The following TRPC5 variants were observed in gnomAD, a reference collection of about 807,000 sequenced individuals.
TRPC5 encodes short transient receptor potential channel 5.
Under a neutral mutation model 56.5 loss-of-function variants are expected in TRPC5, and 9 were observed. That is an observed-to-expected ratio of 0.16 (90% confidence interval 0.10 to 0.28). TRPC5 has a LOEUF of 0.28. TRPC5 is among the 10% of genes least tolerant of loss of function. The pLI, the probability that TRPC5 is intolerant of heterozygous loss-of-function variation, is 1.00. For synonymous variants in TRPC5, 282 were observed against 278.5 expected (o/e 1.01, Z -0.13); for missense variants, 469 against 748.9 (o/e 0.63, Z 4.36).
chrX:112,050,657 G>A (rs1412269177), intron 1 of TRPC5, among the ~76,000 whole-genome samples: 1 of 112,102 alleles, frequency 8.9e-6, no homozygotes, highest in Non-Finnish European at 1.9e-5. Flanking sequence ...TGACATCACA[G>A]GTCTCCCACC....
At chrX:111,961,021 A>G (rs2148642493) in intron 1 of TRPC5, among the ~76,000 whole-genome samples, 1 of 110,874 alleles carries the variant, frequency 9.0e-6, no homozygotes, top group African/African-American at 3.3e-5. Context: ...CATATTGGCA[A>G]GGCTGGTCTC....
intron 7 of TRPC5, among the ~76,000 whole-genome samples, chrX:111,830,357 G>A (rs1203796569): frequency 1.8e-5 from 2 of 111,913 alleles, no homozygotes; most frequent in Non-Finnish European, 3.8e-5. Context: ...AGACTTTTGG[G>A]TTAATACTGG....
rs1240457559 is a variant in TRPC5 at position 111,773,985 on chromosome X, AC to A, written c.*2327del. On this transcript the variant is annotated 3_prime_UTR_variant, in exon 11 of 11. Transcript: ENST00000262839. ...TTAGGGCAATAGCTGTTCAGCTTTA[AC>A]CCCCATCCTAAATGAGGCTTCACTA... Among the ~76,000 whole-genome samples the A allele has an allele frequency of 9.0e-6, 1 of 111,528 alleles. No individual in the cohort carries two copies. The highest frequency in any genetic ancestry group is 3.3e-5 in the African/African-American group (1 of 30,695).
At chrX:111,842,605 G>A (rs1305049944) in intron 6 of TRPC5, among the ~76,000 whole-genome samples, 1 of 112,420 alleles carries the variant, frequency 8.9e-6, no homozygotes, top group Non-Finnish European at 1.9e-5. Flanking sequence ...TCGATGGCAT[G>A]CTTCTTAGAT....
At chrX:111,896,731 A>G (rs897519574) in intron 3 of TRPC5, among the ~76,000 whole-genome samples, 1 of 111,725 alleles carries the variant, frequency 9.0e-6, no homozygotes, top group African/African-American at 3.3e-5. Flanking sequence ...GAATAAGGCA[A>G]ATTTGCTCCT....
chrX:111,843,037 G>A (rs1245163115), intron 6 of TRPC5, among the ~76,000 whole-genome samples: 1 of 112,839 alleles, frequency 8.9e-6, no homozygotes, highest in Non-Finnish European at 1.9e-5. Flanking sequence ...TTGTGATAAT[G>A]TACTACAGCT....
chrX:111,807,956 C>CTCTCTGTG (rs905386723), intron 7 of TRPC5, among the ~76,000 whole-genome samples: 78 of 91,923 alleles, frequency 8.5e-4, no homozygotes, highest in African/African-American at 3.7e-3. Context: ...CTCTCTCTCT[C>CTCTCTGTG]TGTGTGTGTG....
chrX:112,079,130 C>T (rs1336504134), intron 1 of TRPC5, among the ~76,000 whole-genome samples: 14 of 111,814 alleles, frequency 1.3e-4, no homozygotes. Context: ...AGATTCTGCG[C>T]CTTATATTCT....
In TRPC5 at chrX:112,073,862, T is replaced by C. The variant is rs754127292; in HGVS notation, c.-22+8017A>G. 3.6e-5 allele frequency among the ~76,000 whole-genome samples: 4 copies of C among 112,202 alleles called. No individual in the cohort carries two copies. The East Asian group carries it at 8.4e-4, about 24-fold the overall frequency. On this transcript the variant is annotated intron_variant, in intron 1 of 10. Transcript: ENST00000262839. ...TGTTACCTAGCAAGGAGGTAAAACT[T>C]GCAGTCATCTCTGACTACCTTCATC... is the stretch of plus-strand genomic sequence containing the variant.
chrX:112,004,373 C>A (rs750883670), intron 1 of TRPC5, among the ~76,000 whole-genome samples: 13 of 111,804 alleles, frequency 1.2e-4, no homozygotes, highest in Non-Finnish European at 2.1e-4. Flanking sequence ...AGGAGGGTGG[C>A]AATTAGGAGG....
At chrX:111,818,502 T>C (rs1269362748) in intron 7 of TRPC5, among the ~76,000 whole-genome samples, 1 of 111,130 alleles carries the variant, frequency 9.0e-6, no homozygotes, top group Non-Finnish European at 1.9e-5. Context: ...AAAGTAGGTG[T>C]ACAATCAAAT....
intron 1 of TRPC5, among the ~76,000 whole-genome samples, chrX:111,971,423 C>T (rs1001520326): frequency 9.0e-6 from 1 of 111,091 alleles, no homozygotes; most frequent in African/African-American, 3.3e-5. Flanking sequence ...GACACTGGGG[C>T]GGGGGCAATC....
At chrX:111,968,837 AG>A (rs1321508158) in intron 1 of TRPC5, among the ~76,000 whole-genome samples, 6 of 45,583 alleles carry the variant, frequency 1.3e-4, no homozygotes, top group Admixed American at 3.9e-4. Flanking sequence ...GGGTGGGGGG[AG>A]GGGGGAGGGA....
At chrX:112,015,171 C>T (rs1264911042) in intron 1 of TRPC5, among the ~76,000 whole-genome samples, 1 of 110,696 alleles carries the variant, frequency 9.0e-6, no homozygotes, top group African/African-American at 3.3e-5. Flanking sequence ...TCCTGAATAG[C>T]TGGGATTACA....
chrX:111,950,417 A>G (rs977188224), intron 2 of TRPC5, among the ~76,000 whole-genome samples: 1 of 112,381 alleles, frequency 8.9e-6, no homozygotes, highest in Admixed American at 9.4e-5. Flanking sequence ...GAATGGAAAA[A>G]CAAACATCAT....
intron 1 of TRPC5, among the ~76,000 whole-genome samples, chrX:112,002,833 T>C (rs1264391644): frequency 8.9e-6 from 1 of 112,469 alleles, no homozygotes; most frequent in Admixed American, 9.5e-5. Flanking sequence ...TCAGAATGTC[T>C]ACGTGTAGAA....
intron 7 of TRPC5, among the ~76,000 whole-genome samples, chrX:111,793,127 G>T (rs941437052): frequency 9.0e-6 from 1 of 110,636 alleles, no homozygotes; most frequent in Admixed American, 9.6e-5. Context: ...AGCTATAGCC[G>T]CAAGACCAGC....
At chrX:111,791,103 C>A (rs1217448877) in intron 7 of TRPC5, among the ~76,000 whole-genome samples, 1 of 104,934 alleles carries the variant, frequency 9.5e-6, no homozygotes, top group East Asian at 3.0e-4. Context: ...CATCATCCCA[C>A]CTTTAGAACT....
At chrX:111,970,870 C>T in intron 1 of TRPC5, among the ~76,000 whole-genome samples, 1 of 106,787 alleles carries the variant, frequency 9.4e-6, no homozygotes, top group Non-Finnish European at 1.9e-5. Flanking sequence ...CCTGGGTTCA[C>T]ACCATTCTCC....
Sources: gnomAD v4.1 joint callset for allele counts (sites outside exome capture counted in the v4.1 genomes callset) on GRCh38, gnomAD v4.1.1 for gene constraint, MANE v1.5 for transcripts, NCBI Gene and HGNC (gene_info 2026-07-23, HGNC 2026-07-21) for gene names.